PDGFD: variants seen among roughly 807,000 people sequenced by gnomAD.
The protein encoded by PDGFD is platelet-derived growth factor D.
In PDGFD, 30 loss-of-function variants were observed where a neutral mutation model predicts 44.7. The observed-to-expected ratio is 0.67, with a 90% CI of 0.50 to 0.91. The LOEUF (loss-of-function observed/expected upper bound fraction) is 0.91, where lower values mean the gene tolerates loss of function less well. Ranked by LOEUF, PDGFD falls within the 40% of genes least tolerant of loss-of-function variation. The pLI is 0.00. For missense variants in PDGFD, 445 were observed against 457.8 expected (o/e 0.97, Z 0.25); for synonymous variants, 173 against 168.4 (o/e 1.03, Z -0.21).
intron 2 of PDGFD, among the ~76,000 whole-genome samples, chr11:103,998,965 T>C (rs1255374488): frequency 6.6e-6 from 1 of 152,070 alleles, no homozygotes; most frequent in Admixed American, 6.5e-5. Context: ...TTTCCCATGA[T>C]TTTTTAGGCA....
chr11:103,949,254 C>T (rs781085870), intron 3 of PDGFD, among the ~76,000 whole-genome samples: 3 of 152,056 alleles, frequency 2.0e-5, no homozygotes, highest in Non-Finnish European at 2.9e-5. Flanking sequence ...CTACCCACCT[C>T]GGCCCCCCAA....
intron 1 of PDGFD, among the ~76,000 whole-genome samples, chr11:104,138,968 G>A (rs1862046544): frequency 6.6e-6 from 1 of 152,038 alleles, no homozygotes; most frequent in South Asian, 2.1e-4. Context: ...GGTCATGTTG[G>A]CCAAGCTGGT....
chr11:104,030,949 A>T (rs1020944025), intron 1 of PDGFD, among the ~76,000 whole-genome samples: 1 of 152,178 alleles, frequency 6.6e-6, no homozygotes, highest in Non-Finnish European at 1.5e-5. Context: ...CACATTTCTC[A>T]TAACTCATTA....
At chr11:104,058,882 C>T (rs898633089) in intron 1 of PDGFD, among the ~76,000 whole-genome samples, 1 of 152,086 alleles carries the variant, frequency 6.6e-6, no homozygotes, top group African/African-American at 2.4e-5. Context: ...GCGAGACACA[C>T]AAGGCTGTAT....
At chr11:104,089,774 A>G (rs1311553585) in intron 1 of PDGFD, among the ~76,000 whole-genome samples, 2 of 152,206 alleles carry the variant, frequency 1.3e-5, no homozygotes, top group African/African-American at 4.8e-5. Flanking sequence ...AAAATTTACC[A>G]AAAGACTGCT....
chr11:104,026,446 A>G (rs1860042945), intron 1 of PDGFD, among the ~76,000 whole-genome samples: 1 of 152,244 alleles, frequency 6.6e-6, no homozygotes, highest in South Asian at 2.1e-4. Context: ...ACAATATGAC[A>G]TATAGTTTAT....
At chr11:104,069,623 GTTCGA>G (rs572218747) in intron 1 of PDGFD, among the ~76,000 whole-genome samples, 271 of 152,324 alleles carry the variant, frequency 1.8e-3, no homozygotes, top group Middle Eastern at 6.8e-3. Flanking sequence ...CACTTTGGGA[GTTCGA>G]GGCCAGCGGA....
intron 1 of PDGFD, among the ~76,000 whole-genome samples, chr11:104,058,702 C>T (rs983538414): frequency 3.3e-5 from 5 of 152,114 alleles, no homozygotes; most frequent in African/African-American, 4.8e-5. Context: ...TAGCTTTATC[C>T]GTAATAACTA....
chr11:104,093,895 T>A (rs1375292282), intron 1 of PDGFD, among the ~76,000 whole-genome samples: 2 of 149,872 alleles, frequency 1.3e-5, no homozygotes, highest in African/African-American at 4.9e-5. Context: ...TTAAAAAAAA[T>A]TCCTCTTAAC....
At chr11:103,967,155 G>C (rs1250058514) in intron 3 of PDGFD, among the ~76,000 whole-genome samples, 1 of 152,142 alleles carries the variant, frequency 6.6e-6, no homozygotes, top group Non-Finnish European at 1.5e-5. Context: ...GCATATAAAG[G>C]TAAACTCATA....
intron 2 of PDGFD, 98 bp from the exon 3 acceptor site, chr11:103,996,343 A>G: frequency 9.6e-7 from 1 of 1,045,218 alleles, no homozygotes; most frequent in Non-Finnish European, 1.4e-6. Flanking sequence ...ATGATTTGTC[A>G]TGACCACAAT....
chr11:103,925,716 C>CACACACATATATAT (rs1198529368), intron 6 of PDGFD, among the ~76,000 whole-genome samples: 154 of 122,756 alleles, frequency 1.3e-3, no homozygotes, highest in African/African-American at 4.7e-3. Flanking sequence ...CACACACACA[C>CACACACATATATAT]ATATATATAT....
At chr11:104,095,699 A>C (rs566488960) in intron 1 of PDGFD, among the ~76,000 whole-genome samples, 37 of 152,324 alleles carry the variant, frequency 2.4e-4, no homozygotes, top group Admixed American at 2.0e-3. Flanking sequence ...TTAGTCTATA[A>C]AACATGCTCC....
chr11:103,975,474 G>A (rs1393547529), intron 3 of PDGFD, among the ~76,000 whole-genome samples: 1 of 152,058 alleles, frequency 6.6e-6, no homozygotes, highest in African/African-American at 2.4e-5. Context: ...TTCTTTTGCT[G>A]TGCAGAAGCT....
chr11:104,038,181 C>T, intron 1 of PDGFD: 1 of 689,986 alleles, frequency 1.4e-6, no homozygotes, highest in Non-Finnish European at 2.4e-6. Context: ...ATTCCTTGGT[C>T]TTGGTCCCTC....
chr11:104,089,092 A>G (rs1861175082), intron 1 of PDGFD, among the ~76,000 whole-genome samples: 1 of 152,228 alleles, frequency 6.6e-6, no homozygotes, highest in South Asian at 2.1e-4. Flanking sequence ...TAAATTATGA[A>G]TCAGACACTG....
intron 1 of PDGFD, among the ~76,000 whole-genome samples, chr11:104,033,024 G>T: frequency 6.6e-6 from 1 of 150,502 alleles, no homozygotes; most frequent in African/African-American, 2.4e-5. Context: ...AGGGATTTAC[G>T]GTATAACAAC....
At chr11:104,118,801 T>G (rs1450485388) in intron 1 of PDGFD, among the ~76,000 whole-genome samples, 1 of 101,668 alleles carries the variant, frequency 9.8e-6, no homozygotes, top group Non-Finnish European at 1.8e-5. Flanking sequence ...TTATAAATAT[T>G]AATATATAAT....
At chr11:103,938,532 T>C (rs968559189) in intron 5 of PDGFD, among the ~76,000 whole-genome samples, 6 of 152,220 alleles carry the variant, frequency 3.9e-5, no homozygotes, top group African/African-American at 1.2e-4. Flanking sequence ...GTAGTTTCTT[T>C]TGCTGTGCAG....
Sources: allele counts gnomAD v4.1 joint callset (sites outside exome capture counted in the v4.1 genomes callset), GRCh38; gene constraint gnomAD v4.1.1; transcripts MANE v1.5; gene names NCBI Gene and HGNC (gene_info 2026-07-23, HGNC 2026-07-21).